The following RGS6 variants were observed in gnomAD, a reference collection of about 807,000 sequenced individuals.
The protein encoded by RGS6 is regulator of G protein signaling 6, also known as regulator of G-protein signaling 6.
In RGS6, 30 loss-of-function variants were observed where a neutral mutation model predicts 78.5. The ratio of observed to expected loss-of-function variants is 0.38; its 90% CI spans 0.29 to 0.52. The LOEUF (loss-of-function observed/expected upper bound fraction) is 0.52, where lower values mean the gene tolerates loss of function less well. Among genes scored for constraint, RGS6 ranks in the 20% least tolerant of loss-of-function variants. The probability of loss-of-function intolerance (pLI) is 0.85; values close to 1 mark genes in which losing one functional copy is unlikely to be tolerated. For synonymous variants in RGS6, 206 were observed against 206.0 expected, an observed-to-expected ratio of 1.00 and a Z score of 0.00; for missense variants, 495 against 609.7, an observed-to-expected ratio of 0.81 and a Z score of 1.98.
At chr14:71,938,977 A>G (rs1010873304) in intron 1 of RGS6, among the ~76,000 whole-genome samples, 19 of 152,196 alleles carry the variant, frequency 1.2e-4, no homozygotes, top group Admixed American at 5.9e-4. Flanking sequence ...TCTGCCACTG[A>G]CAACTCAAGC....
the RGS6 span, among the ~76,000 whole-genome samples, chr14:71,883,205 G>A: frequency 6.6e-6 from 1 of 152,132 alleles, no homozygotes. Flanking sequence ...CATCTAGTTT[G>A]GGGGCCTGGC....
intron 2 of RGS6, among the ~76,000 whole-genome samples, chr14:72,272,571 G>T (rs1245987333): frequency 6.6e-6 from 1 of 152,158 alleles, no homozygotes; most frequent in East Asian, 1.9e-4. Flanking sequence ...CATTATTTCA[G>T]CATCAAAATC....
At chr14:72,052,452 C>T (rs1481593496) in intron 2 of RGS6, among the ~76,000 whole-genome samples, 1 of 152,172 alleles carries the variant, frequency 6.6e-6, no homozygotes, top group African/African-American at 2.4e-5. Context: ...ACTCAGTGAG[C>T]AGCTTCTCCC....
intron 1 of RGS6, among the ~76,000 whole-genome samples, chr14:71,955,774 A>G (rs2092739674): frequency 6.6e-6 from 1 of 152,122 alleles, no homozygotes; most frequent in East Asian, 1.9e-4. Flanking sequence ...CTCCAGTCTC[A>G]TTCTGTGACT....
At chr14:72,018,555 C>T (rs1227354200) in intron 2 of RGS6, among the ~76,000 whole-genome samples, 2 of 152,318 alleles carry the variant, frequency 1.3e-5, no homozygotes, top group Admixed American at 6.5e-5. Flanking sequence ...GTTCCAGAGG[C>T]GGTGGTCTGG....
intron 13 of RGS6, among the ~76,000 whole-genome samples, chr14:72,508,139 G>A (rs1228521795): frequency 6.6e-6 from 1 of 152,016 alleles, no homozygotes; most frequent in Non-Finnish European, 1.5e-5. Flanking sequence ...CTACCACCAT[G>A]ACCCTATTGG....
intron 17 of RGS6, chr14:72,540,400 GCTGTGCGGT>G (rs2097308654): frequency 6.8e-7 from 1 of 1,464,590 alleles, no homozygotes; most frequent in Non-Finnish European, 9.0e-7. Flanking sequence ...TGCCCTCGGG[GCTGTGCGGT>G]TTGTGCATCT....
At chr14:72,512,059 C>G (rs1373939274) in intron 14 of RGS6, among the ~76,000 whole-genome samples, 1 of 152,134 alleles carries the variant, frequency 6.6e-6, no homozygotes, top group Non-Finnish European at 1.5e-5. Context: ...GTCCCAGTTT[C>G]CACCCCCTCC....
At chr14:71,920,127 C>A in the RGS6 span, among the ~76,000 whole-genome samples, 1 of 152,196 alleles carries the variant, frequency 6.6e-6, no homozygotes, top group East Asian at 1.9e-4. Context: ...TCATCCTACC[C>A]TAGATTTAGG....
At chr14:71,952,435 A>G (rs1356090657) in intron 1 of RGS6, among the ~76,000 whole-genome samples, 1 of 151,808 alleles carries the variant, frequency 6.6e-6, no homozygotes, top group Non-Finnish European at 1.5e-5. Flanking sequence ...ATGTGTCCTC[A>G]TTGCCTTGGG....
chr14:72,078,237 C>G (rs939493339), intron 2 of RGS6, among the ~76,000 whole-genome samples: 1 of 152,088 alleles, frequency 6.6e-6, no homozygotes, highest in Non-Finnish European at 1.5e-5. Context: ...CTTGCACCGG[C>G]CATGTAAGGT....
chr14:72,132,822 A>G (rs1181159436), intron 2 of RGS6, among the ~76,000 whole-genome samples: 1 of 150,398 alleles, frequency 6.6e-6, no homozygotes, highest in Non-Finnish European at 1.5e-5. Flanking sequence ...CCTGCACCAT[A>G]AGCTTCTGAA....
At chr14:72,623,037 C>T in the RGS6 span, among the ~76,000 whole-genome samples, 1 of 152,176 alleles carries the variant, frequency 6.6e-6, no homozygotes, top group Non-Finnish European at 1.5e-5. Context: ...AGATTAATCT[C>T]TAAGATATTC....
At chr14:71,982,008 G>T (rs925448070) in intron 2 of RGS6, among the ~76,000 whole-genome samples, 3 of 152,070 alleles carry the variant, frequency 2.0e-5, no homozygotes, top group African/African-American at 7.2e-5. Flanking sequence ...TTTTAAGCCC[G>T]TCGGAAAAGC....
chr14:72,351,707 G>A (rs1171434763), intron 2 of RGS6, among the ~76,000 whole-genome samples: 1 of 152,134 alleles, frequency 6.6e-6, no homozygotes, highest in African/African-American at 2.4e-5. Context: ...CTTTGTGGAA[G>A]GGGTGGGGGT....
chr14:72,236,657 C>T (rs971678318), intron 2 of RGS6, among the ~76,000 whole-genome samples: 2 of 152,172 alleles, frequency 1.3e-5, no homozygotes, highest in Non-Finnish European at 2.9e-5. Flanking sequence ...CAGAGGCGCT[C>T]CTCACATCCC....
At chr14:72,064,320 A>G (rs972107008) in intron 2 of RGS6, among the ~76,000 whole-genome samples, 11 of 152,200 alleles carry the variant, frequency 7.2e-5, no homozygotes, top group African/African-American at 2.2e-4. Flanking sequence ...CTGATGCCAA[A>G]TTGTTGACAG....
At chr14:72,374,138 A>G (rs138018532) in intron 3 of RGS6, among the ~76,000 whole-genome samples, 1 of 152,238 alleles carries the variant, frequency 6.6e-6, no homozygotes, top group African/African-American at 2.4e-5. Flanking sequence ...TGTGCACAAC[A>G]TGCAGGTTTG....
chr14:72,244,614 CTG>C (rs1161030000), intron 2 of RGS6, among the ~76,000 whole-genome samples: 1 of 152,096 alleles, frequency 6.6e-6, no homozygotes, highest in Non-Finnish European at 1.5e-5. Flanking sequence ...CACAGGGTAA[CTG>C]AAGAGAAAAA....
Sources: allele counts gnomAD v4.1 joint callset (sites outside exome capture counted in the v4.1 genomes callset), GRCh38; gene constraint gnomAD v4.1.1; transcripts MANE v1.5; gene names NCBI Gene and HGNC (gene_info 2026-07-23, HGNC 2026-07-21).